EYS: variants seen among roughly 807,000 people sequenced by gnomAD.
EYS encodes EGF-like photoreceptor maintenance factor, also known as protein eyes shut homolog.
In EYS, 250 loss-of-function variants were observed where a neutral mutation model predicts 282.1. The ratio of observed to expected loss-of-function variants is 0.89; its 90% CI spans 0.80 to 0.98. The LOEUF is 0.98. Among genes scored for constraint, EYS ranks in the 50% least tolerant of loss-of-function variants. EYS has a pLI of 0.00. For synonymous variants in EYS, 1,355 were observed against 1,282.9 expected (o/e 1.06, Z -1.20); for missense variants, 4,016 against 3,709.0 (o/e 1.08, Z -2.15).
At chr6:65,593,679 C>T (rs1003160231) in intron 2 of EYS, among the ~76,000 whole-genome samples, 1 of 151,928 alleles carries the variant, frequency 6.6e-6, no homozygotes, top group Admixed American at 6.6e-5. Flanking sequence ...TCTCCCATAG[C>T]AAATTCATGT....
At chr6:63,890,669 C>T (rs1299014014) in intron 35 of EYS, among the ~76,000 whole-genome samples, 1 of 152,160 alleles carries the variant, frequency 6.6e-6, no homozygotes, top group Admixed American at 6.6e-5. Flanking sequence ...GACACCCTAA[C>T]ATCAGAATTA....
chr6:64,986,461 A>G (rs564944976), intron 14 of EYS, among the ~76,000 whole-genome samples: 15 of 150,886 alleles, frequency 9.9e-5, no homozygotes, highest in African/African-American at 3.4e-4. Context: ...GAATTATTGG[A>G]AGATCCTTTA....
intron 13 of EYS, among the ~76,000 whole-genome samples, chr6:65,048,134 T>C (rs1773156106): frequency 6.6e-6 from 1 of 151,928 alleles, no homozygotes; most frequent in Non-Finnish European, 1.5e-5. Flanking sequence ...TTAAGCCCCA[T>C]AACATTTTGA....
At chr6:64,407,450 A>T (rs868396403) in intron 28 of EYS, among the ~76,000 whole-genome samples, 2 of 152,156 alleles carry the variant, frequency 1.3e-5, no homozygotes, top group Non-Finnish European at 2.9e-5. Context: ...AGTATAATTT[A>T]AAAAAGGAAT....
intron 12 of EYS, among the ~76,000 whole-genome samples, chr6:65,213,801 A>T (rs774296983): frequency 6.6e-6 from 1 of 152,148 alleles, no homozygotes; most frequent in Admixed American, 6.6e-5. Flanking sequence ...TTCAAGTGAA[A>T]GGAAGAGTAG....
chr6:63,724,831 T>A (rs181006132), intron 42 of EYS, among the ~76,000 whole-genome samples: 48 of 152,224 alleles, frequency 3.2e-4, no homozygotes, highest in Middle Eastern at 6.8e-3. Context: ...TTATTAAAAT[T>A]TTTGGATTTT....
At chr6:64,629,129 T>C (rs1767701119) in intron 22 of EYS, among the ~76,000 whole-genome samples, 2 of 152,318 alleles carry the variant, frequency 1.3e-5, no homozygotes, top group Admixed American at 1.3e-4. Context: ...TACTTCCTTG[T>C]TTTTGATGAC....
intron 16 of EYS, among the ~76,000 whole-genome samples, chr6:64,907,627 T>A (rs1333805961): frequency 1.3e-5 from 2 of 152,140 alleles, no homozygotes; most frequent in Non-Finnish European, 2.9e-5. Context: ...TATATACAGA[T>A]CATCTCCACA....
chr6:65,669,634 T>C (rs918960451), intron 1 of EYS, among the ~76,000 whole-genome samples: 2 of 152,020 alleles, frequency 1.3e-5, no homozygotes, highest in Non-Finnish European at 2.9e-5. Flanking sequence ...GTAAGAGCTA[T>C]GCATATTGGT....
At chr6:64,967,259 A>G (rs934724361) in intron 14 of EYS, among the ~76,000 whole-genome samples, 5 of 151,948 alleles carry the variant, frequency 3.3e-5, no homozygotes, top group Admixed American at 3.3e-4. Context: ...TATTTTTACC[A>G]TTCATGGGAC....
chr6:64,210,827 T>C, intron 31 of EYS, among the ~76,000 whole-genome samples: 1 of 152,126 alleles, frequency 6.6e-6, no homozygotes, highest in East Asian at 1.9e-4. Context: ...TCAGTGTGGC[T>C]AGGCAACATC....
At chr6:63,815,694 C>A (rs1163281154) in intron 36 of EYS, among the ~76,000 whole-genome samples, 1 of 152,078 alleles carries the variant, frequency 6.6e-6, no homozygotes, top group Non-Finnish European at 1.5e-5. Context: ...TTAATAGAAG[C>A]TCAATTGTTT....
intron 36 of EYS, among the ~76,000 whole-genome samples, chr6:63,815,064 G>T (rs1028183005): frequency 6.6e-6 from 1 of 152,110 alleles, no homozygotes; most frequent in African/African-American, 2.4e-5. Flanking sequence ...GTTGGAGTGG[G>T]TTATCGCTCA....
chr6:65,147,640 C>T lies in EYS; in HGVS notation c.2024-89913G>A, dbSNP rs1170400963. Among the ~76,000 whole-genome samples the T allele has an allele frequency of 3.9e-5, 6 of 152,014 alleles. No homozygotes were observed. The East Asian group carries it at 5.8e-4, about 15-fold the overall frequency. On this transcript the variant is annotated intron_variant, in intron 12 of 42. Coordinates refer to ENST00000503581, the MANE Select transcript of EYS (RefSeq NM_001142800.2). ...CCCATTATTTTAAACTTTTCTTATA[C>T]TTTAATAAATTTGTCCCTTCTAAAT...
chr6:65,228,641 CA>C (rs1322313816), intron 12 of EYS, among the ~76,000 whole-genome samples: 28 of 152,014 alleles, frequency 1.8e-4, no homozygotes, highest in Non-Finnish European at 3.5e-4. Context: ...AGTATAGTCC[CA>C]GTGAAAATCC....
intron 26 of EYS, among the ~76,000 whole-genome samples, chr6:64,536,344 G>A (rs1244868669): frequency 1.3e-5 from 2 of 152,114 alleles, no homozygotes; most frequent in Non-Finnish European, 2.9e-5. Context: ...CTATGTAACA[G>A]AGATCATTCA....
chr6:64,280,735 G>C (rs1007070565), intron 30 of EYS, among the ~76,000 whole-genome samples: 6 of 152,110 alleles, frequency 3.9e-5, no homozygotes, highest in African/African-American at 1.4e-4. Flanking sequence ...AAAACAGCTA[G>C]AAAATGCCAA....
At chr6:64,065,327 G>A (rs1771325544) in intron 33 of EYS, among the ~76,000 whole-genome samples, 1 of 152,100 alleles carries the variant, frequency 6.6e-6, no homozygotes, top group East Asian at 1.9e-4. Context: ...GACGAACTCA[G>A]TCACAGAATA....
chr6:65,528,737 T>C (rs1438825333), intron 2 of EYS, among the ~76,000 whole-genome samples: 1 of 152,152 alleles, frequency 6.6e-6, no homozygotes, highest in Non-Finnish European at 1.5e-5. Context: ...ACTAAGACAC[T>C]AACCAATCAA....
Sources: allele counts gnomAD v4.1 joint callset (sites outside exome capture counted in the v4.1 genomes callset), GRCh38; gene constraint gnomAD v4.1.1; transcripts MANE v1.5; gene names NCBI Gene and HGNC (gene_info 2026-07-23, HGNC 2026-07-21).